The following LLGL2 variants were observed in gnomAD, a reference collection of about 807,000 sequenced individuals.
The protein encoded by LLGL2 is LLGL2, scribble cell polarity complex component.
Under a neutral mutation model 123.2 loss-of-function variants are expected in LLGL2, and 81 were observed. The observed-to-expected ratio is 0.66, with a 90% confidence interval of 0.55 to 0.79. LLGL2 has a LOEUF of 0.79. Ranked by LOEUF, LLGL2 falls within the 30% of genes least tolerant of loss-of-function variation. The pLI is 0.00. For synonymous variants in LLGL2, 577 were observed against 594.1 expected (o/e 0.97, Z 0.42); for missense variants, 1,273 against 1,414.6 (o/e 0.90, Z 1.61).
Position 75,573,497 on chromosome 17 carries a change from A to G in LLGL2, c.2742A>G (p.Ser914=). The G allele has an allele frequency of 1.2e-6, 2 of 1,610,444 alleles. No individual in the cohort carries two copies. The highest frequency in any genetic ancestry group is 1.7e-6 in the Non-Finnish European group (2 of 1,178,056). The part of the protein sequence containing the change: ...TKYGQGFYLI[S]PSEFERFSLS... The stretch of plus-strand genomic sequence containing the variant: ...ACTCCCCAGGCTTCTACCTGATCTC[A>G]CCCTCGGAGTTTGAGCGCTTCTCTC... Residue 914 remains serine, a synonymous_variant, in exon 21 of 26, where the codon TCA becomes TCG. Transcript: ENST00000392550.
In LLGL2 at chr17:75,573,224, C is replaced by T. The variant is rs372867184; in HGVS notation, c.2671C>T (p.Arg891Cys). 4.1e-5 allele frequency: 66 copies of T among 1,610,768 alleles called. No homozygotes were observed. Among genetic ancestry groups the T allele is most frequent in the Middle Eastern group, 1.6e-4 (1 of 6,076 alleles). The change falls in exon 20 of 26, where the codon CGC becomes TGC. Residue 891 changes from arginine to cysteine, a missense_variant. Arg to Cys is a radical substitution (Grantham distance 180). Coordinates refer to ENST00000392550, the MANE Select transcript of LLGL2 (RefSeq NM_001031803.2). ...GCCCCAGGTGCGCTACAGCTGCATC[C>T]GCCGGGAGGACGTCAGTGGCATCGC... ...LKPQVRYSCI[R>C]REDVSGIASC...
At chr17:75,562,734 A>C in intron 6 of LLGL2, 2 of 407,276 alleles carry the variant, frequency 4.9e-6, no homozygotes, top group East Asian at 4.7e-5. Flanking sequence ...ACGCCCAGCT[A>C]ATGTTTTATA....
At chr17:75,561,587 C>G (rs1040828711) in intron 6 of LLGL2, among the ~76,000 whole-genome samples, 1 of 152,146 alleles carries the variant, frequency 6.6e-6, no homozygotes, top group South Asian at 2.1e-4. Context: ...GGTCACTACC[C>G]TCCAGCCTGG....
Position 75,570,373 on chromosome 17 carries a change from C to T in LLGL2, c.1900C>T (p.Leu634=), listed in dbSNP as rs1370751534. The change falls in exon 16 of 26, where the codon CTG becomes TTG. Residue 634 remains leucine (L), a synonymous_variant. Transcript: ENST00000392550. ...GTGCACACTGCACCCCAGTGACCAG[C>T]TGGCCTTGGAGGGCCCACTCTCCCG... ...VKCTLHPSDQ[L]ALEGPLSRVK... 6.2e-7 allele frequency: 1 copy of T among 1,612,028 alleles called. No individual in the cohort carries two copies.
Position 75,559,520 on chromosome 17 carries a change from C to T in LLGL2, c.530+110C>T. The stretch of plus-strand genomic sequence containing the variant: ...GCTGTCATTTCTCTGCTGGGAATTC[C>T]ATGGGGCTATAGCAGGGGAGGCTCT... On this transcript the variant is annotated intron_variant, in intron 6 of 25. Transcript: ENST00000392550. This position sits in a 1 kb window ranked among gnomAD's most constrained non-coding sequence, Gnocchi z 4.6. The T allele has an allele frequency of 7.3e-7, 1 of 1,377,062 alleles. No homozygotes were observed. Among genetic ancestry groups the T allele is most frequent in the Non-Finnish European group, 9.8e-7 (1 of 1,024,624 alleles). 85.3% of individuals were successfully genotyped at this position (1,377,062 alleles called of 1,614,324 possible). A position where few individuals can be genotyped will look rare whatever the true frequency, so the allele number is the denominator to read the frequency against.
At chr17:75,542,870 A>T (rs1287599575) in intron 1 of LLGL2, 1 of 152,408 alleles carries the variant, frequency 6.6e-6, no homozygotes, top group Non-Finnish European at 1.5e-5. Context: ...GTCCCTGGAC[A>T]GCCTTCCCCG....
At chr17:75,553,457 T>G (rs1481535824) in intron 2 of LLGL2, among the ~76,000 whole-genome samples, 1 of 152,192 alleles carries the variant, frequency 6.6e-6, no homozygotes. Flanking sequence ...GGGAGGCAGG[T>G]AGCAATTGGG....
chr17:75,574,670 T>TG lies in LLGL2; in HGVS notation c.3055+7dup, dbSNP rs765041772. 36 of 1,609,970 alleles carry TG rather than the reference T, an allele frequency of 2.2e-5. No individual in the cohort carries two copies. Among genetic ancestry groups the TG allele is most frequent in the Admixed American group, 2.2e-4 (13 of 59,638 alleles). On this transcript the variant is annotated splice_region_variant and intron_variant, in intron 25 of 25. Transcript: ENST00000392550. ...GGTGCAGCCTCAGCAATGGCGGAGG[T>TG]GGGGGCTCTGGGCTTGAGTGCAGCT...
At chr17:75,548,471 T>C (rs1281324751) in intron 2 of LLGL2, among the ~76,000 whole-genome samples, 1 of 151,874 alleles carries the variant, frequency 6.6e-6, no homozygotes, top group Non-Finnish European at 1.5e-5. Context: ...GCTACTCCCA[T>C]GTCTGCACTT....
At chr17:75,562,566 ATCTT>A (rs1482432385) in intron 6 of LLGL2, 3 of 191,516 alleles carry the variant, frequency 1.6e-5, no homozygotes, top group African/African-American at 7.0e-5. Flanking sequence ...TGTCCTAGCC[ATCTT>A]TCTTTCTTTT....
chr17:75,556,601 C>T lies in LLGL2; in HGVS notation c.173+458C>T, dbSNP rs1464041981. Reference sequence around the variant, plus strand: ...GGTGGATCCAGAGGGAAGGACCTGACGCCCATGTCTCAGCCAGTGATCATT... The same window carrying T: ...GGTGGATCCAGAGGGAAGGACCTGATGCCCATGTCTCAGCCAGTGATCATT... On this transcript the variant is annotated intron_variant, in intron 3 of 25. Transcript: ENST00000392550. Among the ~76,000 whole-genome samples, 9 of 152,268 alleles carry T rather than the reference C, an allele frequency of 5.9e-5. No individual in the cohort carries two copies. In the East Asian group the frequency reaches 1.3e-3, roughly 23 times the overall value.
intron 1 of LLGL2, among the ~76,000 whole-genome samples, chr17:75,527,935 G>A (rs1046826938): frequency 1.3e-5 from 2 of 149,298 alleles, no homozygotes; most frequent in South Asian, 2.1e-4. Context: ...CTACAAGCGC[G>A]CAGCACCATG....
At position 75,570,988 on chromosome 17, in the gene LLGL2, C is replaced by T. The variant is rs755059061; in HGVS notation, c.2064C>T (p.Leu688=). 2.7e-5 allele frequency: 43 copies of T among 1,612,636 alleles called. No individual in the cohort carries two copies. In the South Asian group the frequency reaches 3.6e-4, roughly 14 times the overall value. The change falls in exon 17 of 26, where the codon CTC becomes CTT. Residue 688 remains leucine, a synonymous_variant. Coordinates refer to ENST00000392550, the MANE Select transcript of LLGL2 (RefSeq NM_001031803.2). ...GTGCCAAGGCTGAGCGGCCAGGCCT[C>T]CAGAACATGGAGCTGGCGCCTGTGC... The part of the protein sequence containing the change: ...EGSAKAERPG[L]QNMELAPVQR...
Position 75,564,645 on chromosome 17 carries a change from T to C in LLGL2, c.1036+138T>C. 1 of 1,424,662 alleles carries C rather than the reference T, an allele frequency of 7.0e-7. No homozygotes were observed. Among genetic ancestry groups the C allele is most frequent in the South Asian group, 1.4e-5 (1 of 71,356 alleles). The allele number at this position is 1,424,662 out of a possible 1,614,324, so 88.3% of individuals were successfully genotyped here. The stretch of plus-strand genomic sequence containing the variant: ...TGGGAGGCCAAGGTGGTAGGATCGC[T>C]TGAACCCAGGAGTTCAAGTCCAGCC... On this transcript the variant is annotated intron_variant, in intron 10 of 25. Transcript: ENST00000392550. The surrounding 1 kb of genome is among the most constrained non-coding windows in gnomAD (Gnocchi z 4.9).
intron 6 of LLGL2, among the ~76,000 whole-genome samples, chr17:75,560,359 C>T (rs969246539): frequency 1.7e-4 from 26 of 152,374 alleles, no homozygotes; most frequent in African/African-American, 6.0e-4. Context: ...ATGGGACCTG[C>T]GCCCCAGCAG....
At chr17:75,571,248 C>T in intron 17 of LLGL2, 148 bp downstream of exon 17, 4 of 746,966 alleles carry the variant, frequency 5.4e-6, no homozygotes. Flanking sequence ...CAGCCCCTGC[C>T]TGCTTACTCC....
chr17:75,568,518 A>G lies in LLGL2; in HGVS notation c.1079A>G (p.Glu360Gly), dbSNP rs746409769. The change falls in exon 11 of 26, where the codon GAG (glutamate) becomes GGG (glycine). Residue 360 changes from glutamate (E) to glycine (G), a missense_variant. Physicochemically the swap from Glu to Gly is moderately conservative, Grantham distance 98. Coordinates refer to ENST00000392550, the MANE Select transcript of LLGL2 (RefSeq NM_001031803.2). Reference protein sequence around the residue: ...PYALVVLAEEELVVIDLQTAG... With the variant: ...PYALVVLAEEGLVVIDLQTAG... ...GCCCTGGTGGTGCTGGCTGAGGAGGAGCTGGTGGTGATTGACCTGCAGACA... is the reference window on the plus strand; with the variant it reads ...GCCCTGGTGGTGCTGGCTGAGGAGGGGCTGGTGGTGATTGACCTGCAGACA... 6.2e-7 allele frequency: 1 copy of G among 1,613,022 alleles called. No homozygotes were observed. The highest frequency in any genetic ancestry group is 1.3e-5 in the African/African-American group (1 of 74,700).
chr17:75,561,419 AT>A (rs2147426545), intron 6 of LLGL2, among the ~76,000 whole-genome samples: 1 of 152,052 alleles, frequency 6.6e-6, no homozygotes, highest in Non-Finnish European at 1.5e-5. Flanking sequence ...GAGGCCAGGA[AT>A]TTGAGACTAG....
At chr17:75,528,320 T>C (rs561715260) in intron 1 of LLGL2, among the ~76,000 whole-genome samples, 46 of 152,114 alleles carry the variant, frequency 3.0e-4, no homozygotes, top group Middle Eastern at 3.4e-3. Flanking sequence ...TTTCACTGTG[T>C]TAGCCAAGAT....
Sources: gnomAD v4.1 joint callset for allele counts (sites outside exome capture counted in the v4.1 genomes callset) on GRCh38, gnomAD v4.1.1 for gene constraint, Gnocchi (gnomAD v3.1) non-coding constraint, MANE v1.5 for transcripts, NCBI Gene and HGNC (gene_info 2026-07-23, HGNC 2026-07-21) for gene names.